The following CASP14 variants were observed in gnomAD, a reference collection of about 807,000 sequenced individuals.
CASP14 encodes the protein caspase-14.
Under a neutral mutation model 28.4 loss-of-function variants are expected in CASP14, and 27 were observed. The ratio of observed to expected loss-of-function variants is 0.95; its 90% CI spans 0.70 to 1.31. The LOEUF is 1.31. Among genes scored for constraint, CASP14 ranks in the 50% most tolerant of loss-of-function variants. The pLI, the probability that CASP14 is intolerant of heterozygous loss-of-function variation, is 0.00. For synonymous variants in CASP14, 115 were observed against 118.6 expected, an observed-to-expected ratio of 0.97 and a Z score of 0.20; for missense variants, 323 against 312.8, an observed-to-expected ratio of 1.03 and a Z score of -0.25.
At chr19:15,058,286 CTTTGAAAGAAAGTGT>C (rs2046126925) in exon 7 of CASP14, 1 of 152,204 alleles carries the variant, frequency 6.6e-6, no homozygotes, top group Admixed American at 6.5e-5. Flanking sequence ...AGTTGTCAAA[CTTTGAAAGAAAGTGT>C]TGAAATCTTT....
chr19:15,049,695 TCTCACACACA>T lies in CASP14; in HGVS notation c.-47+52_-47+61del, dbSNP rs1364617462. 499 of 114,942 alleles carry T rather than the reference TCTCACACACA, an allele frequency of 4.3e-3. 3 individuals carry two copies. Among genetic ancestry groups the T allele is most frequent in the Non-Finnish European group, 6.3e-3 (345 of 55,032 alleles). 7.1% of individuals were successfully genotyped at this position (114,942 alleles called of 1,614,324 possible). ...CTCTCTCTCTCTCTCTCTCTCTCTCTCTCACACACACACACACACACACACACACACACAC... is the reference window on the plus strand; with the variant it reads ...CTCTCTCTCTCTCTCTCTCTCTCTCTCACACACACACACACACACACACAC... On this transcript the variant is annotated intron_variant, in intron 1 of 6. Coordinates refer to ENST00000427043, the MANE Select transcript of CASP14 (RefSeq NM_012114.3).
At chr19:15,055,011 C>T (rs2046109209) in intron 4 of CASP14, 147 bp from the exon 5 acceptor site, 11 of 650,888 alleles carry the variant, frequency 1.7e-5, no homozygotes, top group Admixed American at 2.4e-5. Context: ...GCAATCATGG[C>T]TCACTGCAGC....
At position 15,053,492 on chromosome 19, in the gene CASP14, A is replaced by T; in HGVS notation, c.38A>T (p.Asp13Val). ...TTCTCTTGGCCCCAGGAGAAATATG[A>T]TATGTCAGGTGCCCGCCTGGCCCTA... ...NPRSLEEEKY[D>V]MSGARLALIL... Residue 13 changes from aspartate to valine, a missense_variant, in exon 3 of 7, where the codon GAT (aspartate) becomes GTT (valine). Coordinates refer to ENST00000427043, the MANE Select transcript of CASP14 (RefSeq NM_012114.3). 1 of 1,614,050 alleles carries T rather than the reference A, an allele frequency of 6.2e-7. No homozygotes were observed. The highest frequency in any genetic ancestry group is 2.2e-5 in the East Asian group (1 of 44,878).
intron 5 of CASP14, 41 bp from the exon 6 acceptor site, chr19:15,055,389 C>T: frequency 6.3e-7 from 1 of 1,590,400 alleles, no homozygotes; most frequent in Non-Finnish European, 8.6e-7. Flanking sequence ...CTCTACCTAC[C>T]CTCTGAAGCT....
chr19:15,053,655 C>T (rs866883263), intron 3 of CASP14, 24 bp downstream of exon 3: 2 of 1,614,048 alleles, frequency 1.2e-6, no homozygotes, highest in Non-Finnish European at 8.5e-7. Flanking sequence ...TACTCCAGGC[C>T]TGTTTGGGGG....
At chr19:15,051,448 G>A (rs371625797) in intron 1 of CASP14, among the ~76,000 whole-genome samples, 2 of 137,272 alleles carry the variant, frequency 1.5e-5, no homozygotes, top group South Asian at 2.3e-4. Flanking sequence ...GCAGTGAGCC[G>A]AGATCATGCC....
intron 1 of CASP14, among the ~76,000 whole-genome samples, chr19:15,051,007 T>A (rs538323092): frequency 6.6e-6 from 1 of 151,884 alleles, no homozygotes; most frequent in South Asian, 2.1e-4. Flanking sequence ...GACAGATGAA[T>A]AGATGGAAGG....
At chr19:15,054,384 C>T (rs748096611) in intron 4 of CASP14, among the ~76,000 whole-genome samples, 4 of 152,096 alleles carry the variant, frequency 2.6e-5, no homozygotes, top group Admixed American at 6.5e-5. Context: ...TCAAGACTAG[C>T]GTCGAGCAAT....
rs1477915934 is a variant in CASP14, at chr19:15,053,869, T to TG, written c.316dup (p.Glu106GlyfsTer18). 2.5e-6 allele frequency: 4 copies of TG among 1,614,122 alleles called. No individual in the cohort carries two copies. In the Admixed American group the frequency reaches 6.7e-5, roughly 27 times the overall value. ...GGAGAAGATGGGGAGATGGTCAAGC[T>TG]GGAGAATCTCTTCGAGGCCCTGAAC... is the stretch of plus-strand genomic sequence containing the variant. On this transcript the variant is annotated frameshift_variant, in exon 4 of 7. Coordinates refer to ENST00000427043, the MANE Select transcript of CASP14 (RefSeq NM_012114.3). LOFTEE classifies it high-confidence loss of function.
At chr19:15,053,992 T>C in intron 4 of CASP14, 34 bp downstream of exon 4, 1 of 1,566,328 alleles carries the variant, frequency 6.4e-7, no homozygotes, top group Non-Finnish European at 8.7e-7. Flanking sequence ...GAGTCTGTGG[T>C]TTGTTGTTTC....
In CASP14 at chr19:15,053,946, G is replaced by C; in HGVS notation, c.391G>C (p.Ala131Pro). 6.2e-7 allele frequency: 1 copy of C among 1,613,360 alleles called. No individual in the cohort carries two copies. ...TAAGCCCAAGGTGTACATCATACAGGCCTGTCGAGGAGGTGGGGACAGATC... is the reference window on the plus strand; with the variant it reads ...TAAGCCCAAGGTGTACATCATACAGCCCTGTCGAGGAGGTGGGGACAGATC... ...RAKPKVYIIQ[A>P]CRGEQRDPGE... The change falls in exon 4 of 7, where the codon GCC (alanine) becomes CCC (proline). Residue 131 changes from alanine to proline, a missense_variant. Coordinates refer to ENST00000427043, the MANE Select transcript of CASP14 (RefSeq NM_012114.3).
rs1276981338 is a variant in CASP14 at position 15,052,271 on chromosome 19, T to G, written c.20T>G (p.Leu7Trp). The G allele has an allele frequency of 2.5e-6, 4 of 1,591,646 alleles. No individual in the cohort carries two copies. Among genetic ancestry groups the G allele is most frequent in the Non-Finnish European group, 3.4e-6 (4 of 1,170,382 alleles). The change falls in exon 2 of 7, where the codon TTG (leucine) becomes TGG (tryptophan). Residue 7 changes from leucine (L) to tryptophan (W), a missense_variant. Physicochemically the swap from Leu to Trp is moderately conservative, Grantham distance 61. Coordinates refer to ENST00000427043, the MANE Select transcript of CASP14 (RefSeq NM_012114.3). MSNPRS[L>W]EEEKYDMSGA... Reference sequence around the variant, plus strand: ...GGAGAAATGAGCAATCCGCGGTCTTTGGAAGAGGTAGGCTGGGTGCAGGTT... The same window carrying G: ...GGAGAAATGAGCAATCCGCGGTCTTGGGAAGAGGTAGGCTGGGTGCAGGTT...
intron 4 of CASP14, 24 bp from the exon 5 acceptor site, chr19:15,055,134 C>T (rs962779364): frequency 1.3e-6 from 2 of 1,590,188 alleles, no homozygotes; most frequent in Admixed American, 1.7e-5. Context: ...CTGACTTTGC[C>T]TCCTCCTCTT....
In CASP14 at chr19:15,053,607, C is replaced by T; in HGVS notation, c.153C>T (p.Thr51=). 1 of 1,614,112 alleles carries T rather than the reference C, an allele frequency of 6.2e-7. No individual in the cohort carries two copies. Among genetic ancestry groups the T allele is most frequent in the Non-Finnish European group, 8.5e-7 (1 of 1,180,020 alleles). ...HMFRQLRFES[T]MKRDPTAEQF... is the part of the protein sequence containing the mutation. ...TTCGGCAGCTGAGATTCGAAAGCAC[C>T]ATGAAAAGAGACCCCACTGCCGAGG... Residue 51 remains threonine (T), a synonymous_variant, in exon 3 of 7, where the codon ACC becomes ACT. Coordinates refer to ENST00000427043, the MANE Select transcript of CASP14 (RefSeq NM_012114.3).
rs1424441315 is a variant in CASP14 at position 15,053,587 on chromosome 19, C to T, written c.133C>T (p.Gln45Ter). The T allele has an allele frequency of 6.2e-7, 1 of 1,614,178 alleles. No homozygotes were observed. The highest frequency in any genetic ancestry group is 8.5e-7 in the Non-Finnish European group (1 of 1,180,044). The change falls in exon 3 of 7, where the codon CAG becomes TAG. Residue 45 changes from glutamine to a stop codon, truncating the protein, a stop_gained. Coordinates refer to ENST00000427043, the MANE Select transcript of CASP14 (RefSeq NM_012114.3). LOFTEE classifies it high-confidence loss of function. The stretch of plus-strand genomic sequence containing the variant: ...GGATGCTCTGGAACACATGTTTCGG[C>T]AGCTGAGATTCGAAAGCACCATGAA... ...DLDALEHMFR[Q>*]LRFESTMKRD...
chr19:15,050,107 G>A (rs2046082807), intron 1 of CASP14, among the ~76,000 whole-genome samples: 1 of 152,150 alleles, frequency 6.6e-6, no homozygotes, highest in Non-Finnish European at 1.5e-5. Context: ...CACCATTGCT[G>A]TTAAGCACCT....
At chr19:15,050,948 G>A (rs1054332353) in intron 1 of CASP14, among the ~76,000 whole-genome samples, 4 of 151,912 alleles carry the variant, frequency 2.6e-5, no homozygotes, top group African/African-American at 7.3e-5. Flanking sequence ...ATAGATGTGC[G>A]GGTGGAAGGA....
intron 1 of CASP14, among the ~76,000 whole-genome samples, chr19:15,050,889 G>T (rs1218256677): frequency 6.6e-6 from 1 of 151,888 alleles, no homozygotes. Flanking sequence ...TTGGTGGATG[G>T]GTTGATGAAT....
In CASP14 at chr19:15,057,184, C is replaced by T. The variant is rs2046121606; in HGVS notation, c.*1095C>T. 1.3e-5 allele frequency: 2 copies of T among 152,166 alleles called. No homozygotes were observed. Among genetic ancestry groups the T allele is most frequent in the Non-Finnish European group, 2.9e-5 (2 of 68,050 alleles). 9.4% of individuals were successfully genotyped at this position (152,166 alleles called of 1,614,324 possible). A position where few individuals can be genotyped will look rare whatever the true frequency, so the allele number is the denominator to read the frequency against. The stretch of plus-strand genomic sequence containing the variant: ...AACTCTACAGCCTGTATCTCTCCAT[C>T]CCCAGCTTTGACCTTTCCTGCTCAA... On this transcript the variant is annotated 3_prime_UTR_variant, in exon 7 of 7. Transcript: ENST00000427043.
Sources: allele counts gnomAD v4.1 joint callset (sites outside exome capture counted in the v4.1 genomes callset), GRCh38; gene constraint gnomAD v4.1.1; transcripts MANE v1.5; gene names NCBI Gene and HGNC (gene_info 2026-07-23, HGNC 2026-07-21).